The following AZIN2 variants were observed in gnomAD, a reference collection of about 807,000 sequenced individuals.
The protein encoded by AZIN2 is ODC antizyme inhibitor-2.
In AZIN2, 28 loss-of-function variants were observed where a neutral mutation model predicts 47.8. That is an observed-to-expected ratio of 0.59 (90% CI 0.43 to 0.80). AZIN2 has a LOEUF of 0.80. Among genes scored for constraint, AZIN2 ranks in the 30% least tolerant of loss-of-function variants. The pLI, the probability that AZIN2 is intolerant of heterozygous loss-of-function variation, is 0.00. For missense variants in AZIN2, 535 were observed against 582.5 expected, an observed-to-expected ratio of 0.92 and a Z score of 0.84; for synonymous variants, 221 against 239.4, an observed-to-expected ratio of 0.92 and a Z score of 0.71.
the AZIN2 span, chr1:33,164,790 C>CATTT: frequency 6.6e-6 from 1 of 151,758 alleles, no homozygotes; most frequent in African/African-American, 2.4e-5. Flanking sequence ...TTCATTCATT[C>CATTT]ATTTTAGAGA....
At chr1:33,102,335 C>T (rs1643764103) in intron 10 of AZIN2, among the ~76,000 whole-genome samples, 1 of 152,138 alleles carries the variant, frequency 6.6e-6, no homozygotes, top group Admixed American at 6.5e-5. Flanking sequence ...AGTTGGTGTT[C>T]CCCTTCATGT....
At chr1:33,126,974 G>A (rs1644861092), downstream of AZIN2, among the ~76,000 whole-genome samples, 1 of 152,214 alleles carries the variant, frequency 6.6e-6, no homozygotes, top group Admixed American at 6.5e-5. Context: ...CCTGTACGCT[G>A]CATGTCCCTC....
the AZIN2 span, chr1:33,162,725 T>G: frequency 1.3e-5 from 2 of 152,794 alleles, no homozygotes; most frequent in Non-Finnish European, 2.9e-5. Flanking sequence ...CAGCCAGCAG[T>G]GGAACATCAG....
chr1:33,091,202 A>T (rs1642509361), intron 5 of AZIN2, among the ~76,000 whole-genome samples: 1 of 152,074 alleles, frequency 6.6e-6, no homozygotes, highest in Non-Finnish European at 1.5e-5. Flanking sequence ...TTTCCTTTGG[A>T]TGTATACCCA....
the AZIN2 span, among the ~76,000 whole-genome samples, chr1:33,141,200 A>G: frequency 6.6e-6 from 1 of 151,164 alleles, no homozygotes; most frequent in African/African-American, 2.4e-5. Context: ...TGCAGCCCCC[A>G]ACTCTGATAG....
chr1:33,090,052 G>A (rs181552610), intron 5 of AZIN2, among the ~76,000 whole-genome samples: 3 of 152,262 alleles, frequency 2.0e-5, no homozygotes, highest in Admixed American at 2.0e-4. Flanking sequence ...GAATAAAAGG[G>A]TGAATCCAAA....
chr1:33,141,844 A>C, the AZIN2 span: 1 of 166,652 alleles, frequency 6.0e-6, no homozygotes, highest in East Asian at 1.5e-4. Flanking sequence ...CTTAAAAAAA[A>C]ATAGAAAACT....
the AZIN2 span, among the ~76,000 whole-genome samples, chr1:33,160,967 G>A: frequency 6.6e-6 from 1 of 152,224 alleles, no homozygotes; most frequent in Non-Finnish European, 1.5e-5. Flanking sequence ...GAAGGGTGAA[G>A]TAGTGAAGGG....
the AZIN2 span, among the ~76,000 whole-genome samples, chr1:33,130,254 CACACCCTGGT>C: frequency 6.6e-6 from 1 of 152,208 alleles, no homozygotes; most frequent in Non-Finnish European, 1.5e-5. Flanking sequence ...TCCCAGTATT[CACACCCTGGT>C]GTGATTTCCT....
At chr1:33,125,620 A>G (rs1644851052), downstream of AZIN2, among the ~76,000 whole-genome samples, 1 of 152,168 alleles carries the variant, frequency 6.6e-6, no homozygotes, top group African/African-American at 2.4e-5. Flanking sequence ...ATGTGGTCAT[A>G]TTTTACAGGG....
chr1:33,146,808 T>G, the AZIN2 span: 1 of 295,784 alleles, frequency 3.4e-6, no homozygotes. Flanking sequence ...GGCTGCCAAC[T>G]ACTGGCCATG....
the AZIN2 span, among the ~76,000 whole-genome samples, chr1:33,158,686 G>A: frequency 6.6e-6 from 1 of 152,186 alleles, no homozygotes; most frequent in African/African-American, 2.4e-5. Context: ...TTAGCAATCA[G>A]TATTGATCAC....
intron 6 of AZIN2, 86 bp from the exon 7 acceptor site, chr1:33,093,196 T>C (rs780896977): frequency 4.5e-5 from 71 of 1,567,018 alleles, no homozygotes; most frequent in Non-Finnish European, 5.7e-5. Context: ...CTCTGAGCCA[T>C]GTAGCTCACA....
the AZIN2 span, chr1:33,165,786 T>G: frequency 2.5e-6 from 1 of 402,686 alleles, no homozygotes; most frequent in East Asian, 3.8e-5. The surrounding 1 kb of genome is among the most constrained non-coding windows in gnomAD (Gnocchi z 4.0). Context: ...TGCAACAACC[T>G]CCTCCTCTTT....
chr1:33,141,764 T>C, the AZIN2 span: 2 of 167,820 alleles, frequency 1.2e-5, no homozygotes, highest in African/African-American at 4.8e-5. Context: ...GGTTGATAGG[T>C]GCAGCAAACC....
chr1:33,133,941 C>A, the AZIN2 span, among the ~76,000 whole-genome samples: 1 of 152,208 alleles, frequency 6.6e-6, no homozygotes, highest in Non-Finnish European at 1.5e-5. Context: ...GCTTTACATG[C>A]CTTATCTTAC....
chr1:33,163,602 A>G, the AZIN2 span: 3 of 151,820 alleles, frequency 2.0e-5, no homozygotes, highest in African/African-American at 7.3e-5. Context: ...CCCCACCCCA[A>G]CCCACCACAT....
chr1:33,157,944 A>G, the AZIN2 span, among the ~76,000 whole-genome samples: 2 of 151,956 alleles, frequency 1.3e-5, no homozygotes, highest in Non-Finnish European at 2.9e-5. Flanking sequence ...TTTAATAGAG[A>G]CAGGGTTTCA....
At chr1:33,156,384 C>T in the AZIN2 span, among the ~76,000 whole-genome samples, 1 of 152,230 alleles carries the variant, frequency 6.6e-6, no homozygotes, top group African/African-American at 2.4e-5. Flanking sequence ...CCAATGACTT[C>T]CCTGTTGCTA....
Sources: allele counts gnomAD v4.1 joint callset (sites outside exome capture counted in the v4.1 genomes callset), GRCh38; gene constraint gnomAD v4.1.1; non-coding constraint Gnocchi (gnomAD v3.1); transcripts MANE v1.5; gene names NCBI Gene and HGNC (gene_info 2026-07-23, HGNC 2026-07-21).